The following CACNA2D3 variants were observed in gnomAD, a reference collection of about 807,000 sequenced individuals.
CACNA2D3 encodes the protein calcium voltage-gated channel auxiliary subunit alpha2delta 3.
CACNA2D3 carries 60 observed loss-of-function variants against 160.6 expected under a neutral mutation model. The ratio of observed to expected loss-of-function variants is 0.37; its 90% CI spans 0.30 to 0.46. CACNA2D3 has a LOEUF of 0.46. Among genes scored for constraint, CACNA2D3 ranks in the 20% least tolerant of loss-of-function variants. The pLI, the probability that CACNA2D3 is intolerant of heterozygous loss-of-function variation, is 1.00. For synonymous variants in CACNA2D3, 558 were observed against 492.9 expected (o/e 1.13, Z -1.75); for missense variants, 1,205 against 1,365.0 (o/e 0.88, Z 1.85).
chr3:54,896,753 T>C lies in CACNA2D3; in HGVS notation c.2251T>C (p.Phe751Leu). Reference sequence around the variant, plus strand: ...CTGATTCTTTTCCACTTCAAGGGACTTCCTGAAAGCTGGCGACAAGGAGAA... The same window carrying C: ...CTGATTCTTTTCCACTTCAAGGGACCTCCTGAAAGCTGGCGACAAGGAGAA... ...VGAEQLTNQD[F>L]LKAGDKENIF... Residue 751 changes from phenylalanine (F) to leucine (L), a missense_variant, in exon 26 of 38, where the codon TTC becomes CTC. Physicochemically the swap from Phe to Leu is conservative, Grantham distance 22 (BLOSUM62 0). Coordinates refer to ENST00000474759, the MANE Select transcript of CACNA2D3 (RefSeq NM_018398.3). The C allele has an allele frequency of 6.2e-7, 1 of 1,614,036 alleles. No homozygotes were observed. The highest frequency in any genetic ancestry group is 8.5e-7 in the Non-Finnish European group (1 of 1,179,884).
At chr3:54,493,037 T>C (rs1701136439) in intron 4 of CACNA2D3, among the ~76,000 whole-genome samples, 1 of 145,146 alleles carries the variant, frequency 6.9e-6, no homozygotes. Context: ...AATAAATATG[T>C]ATGTGGGAGG....
intron 4 of CACNA2D3, among the ~76,000 whole-genome samples, chr3:54,456,229 C>A (rs1027955120): frequency 2.6e-5 from 4 of 151,760 alleles, no homozygotes; most frequent in Admixed American, 2.6e-4. Context: ...TTCCTGATTT[C>A]TTTCATCAGT....
intron 25 of CACNA2D3, chr3:54,894,731 G>A (rs928541084): frequency 1.0e-4 from 48 of 460,748 alleles, no homozygotes; most frequent in African/African-American, 7.6e-4. Flanking sequence ...CACCGTCCAG[G>A]TCAGGTTTAT....
intron 27 of CACNA2D3, among the ~76,000 whole-genome samples, chr3:54,936,364 G>T (rs767756709): frequency 1.3e-5 from 2 of 152,284 alleles, no homozygotes; most frequent in South Asian, 2.1e-4. Flanking sequence ...AAGCCTTTGT[G>T]TGTGTGCCTA....
intron 4 of CACNA2D3, among the ~76,000 whole-genome samples, chr3:54,480,304 C>T (rs1166129796): frequency 6.6e-6 from 1 of 152,130 alleles, no homozygotes; most frequent in African/African-American, 2.4e-5. Flanking sequence ...TTTCATCATG[C>T]CTTTTCCTGG....
chr3:54,806,093 A>G (rs914229989), intron 13 of CACNA2D3, among the ~76,000 whole-genome samples: 28 of 152,202 alleles, frequency 1.8e-4, no homozygotes, highest in African/African-American at 6.8e-4. Flanking sequence ...CACAGCCAAT[A>G]TCATACTGAA....
intron 11 of CACNA2D3, among the ~76,000 whole-genome samples, chr3:54,739,254 T>C (rs1701592193): frequency 6.6e-6 from 1 of 151,828 alleles, no homozygotes; most frequent in Admixed American, 6.6e-5. Flanking sequence ...ACCCCATCTC[T>C]ACTAAACATA....
intron 5 of CACNA2D3, among the ~76,000 whole-genome samples, chr3:54,544,751 C>T (rs925284115): frequency 2.6e-5 from 4 of 152,074 alleles, no homozygotes; most frequent in African/African-American, 7.2e-5. Flanking sequence ...GCATCATGGA[C>T]GGTCCTTGCT....
At chr3:54,561,883 C>A (rs556934739) in intron 5 of CACNA2D3, among the ~76,000 whole-genome samples, 1 of 152,264 alleles carries the variant, frequency 6.6e-6, no homozygotes, top group East Asian at 1.9e-4. Context: ...GGGGAGGCCT[C>A]ACAGTCATGG....
intron 9 of CACNA2D3, among the ~76,000 whole-genome samples, chr3:54,602,580 G>A (rs1703083227): frequency 6.6e-6 from 1 of 151,168 alleles, no homozygotes; most frequent in Non-Finnish European, 1.5e-5. Flanking sequence ...GAGGCCGTCT[G>A]AGCACAGAGC....
chr3:54,540,063 G>C (rs1701948267), intron 5 of CACNA2D3, among the ~76,000 whole-genome samples: 1 of 152,172 alleles, frequency 6.6e-6, no homozygotes, highest in Non-Finnish European at 1.5e-5. Context: ...GTGAATTTCT[G>C]CAAAGAACAG....
chr3:54,944,483 T>C (rs993033876), intron 27 of CACNA2D3, among the ~76,000 whole-genome samples: 21 of 151,988 alleles, frequency 1.4e-4, no homozygotes, highest in Non-Finnish European at 2.9e-4. Flanking sequence ...TGCAGTGGCA[T>C]GATCTGGGCT....
At chr3:54,347,487 C>T (rs1698480572) in intron 3 of CACNA2D3, among the ~76,000 whole-genome samples, 4 of 152,168 alleles carry the variant, frequency 2.6e-5, no homozygotes, top group Admixed American at 1.3e-4. Context: ...GATGATGCCT[C>T]AGCTTTCTGC....
At chr3:54,619,248 C>G (rs901290393) in intron 9 of CACNA2D3, among the ~76,000 whole-genome samples, 3 of 152,218 alleles carry the variant, frequency 2.0e-5, no homozygotes, top group Admixed American at 6.5e-5. Flanking sequence ...CCTCTTGGAG[C>G]TGGCCTTGTT....
chr3:54,555,931 G>A (rs1702235356), intron 5 of CACNA2D3, among the ~76,000 whole-genome samples: 2 of 152,294 alleles, frequency 1.3e-5, no homozygotes, highest in South Asian at 4.1e-4. Flanking sequence ...CAGAGGTCAG[G>A]AAGAATGGTT....
intron 2 of CACNA2D3, among the ~76,000 whole-genome samples, chr3:54,300,405 T>A (rs1410436176): frequency 6.6e-6 from 1 of 152,264 alleles, no homozygotes; most frequent in Non-Finnish European, 1.5e-5. Flanking sequence ...TGGGTTGCAT[T>A]GTCTGACTCA....
intron 5 of CACNA2D3, among the ~76,000 whole-genome samples, chr3:54,531,395 A>G (rs530336270): frequency 6.9e-4 from 105 of 152,338 alleles, no homozygotes; most frequent in African/African-American, 2.4e-3. Context: ...TAAGTGGCAA[A>G]TTGAAAAAAC....
chr3:55,050,227 TG>T (rs1419792221), intron 35 of CACNA2D3, among the ~76,000 whole-genome samples: 1 of 150,984 alleles, frequency 6.6e-6, no homozygotes, highest in Non-Finnish European at 1.5e-5. Context: ...GGCATGATTT[TG>T]CAGCGGCTGG....
chr3:54,533,794 A>AGTGTGT (rs61234075), intron 5 of CACNA2D3, among the ~76,000 whole-genome samples: 1 of 149,756 alleles, frequency 6.7e-6, no homozygotes, highest in African/African-American at 2.5e-5. Flanking sequence ...AATGGAAAAT[A>AGTGTGT]GTGTGTGTGT....
Sources: gnomAD v4.1 joint callset for allele counts (sites outside exome capture counted in the v4.1 genomes callset) on GRCh38, gnomAD v4.1.1 for gene constraint, MANE v1.5 for transcripts, NCBI Gene and HGNC (gene_info 2026-07-23, HGNC 2026-07-21) for gene names.